IMMP2L: variants seen among roughly 807,000 people sequenced by gnomAD.
IMMP2L encodes mitochondrial inner membrane protease subunit 2.
Under a neutral mutation model 19.3 loss-of-function variants are expected in IMMP2L, and 18 were observed. The ratio of observed to expected loss-of-function variants is 0.93; its 90% CI spans 0.64 to 1.38. IMMP2L has a LOEUF of 1.38. Ranked by LOEUF, IMMP2L falls within the 40% of genes most tolerant of loss-of-function variation. The probability of loss-of-function intolerance (pLI) is 0.00; values close to 1 mark genes in which losing one functional copy is unlikely to be tolerated. For synonymous variants in IMMP2L, 76 were observed against 73.0 expected (o/e 1.04, Z -0.21); for missense variants, 233 against 218.2 (o/e 1.07, Z -0.43).
intron 5 of IMMP2L, among the ~76,000 whole-genome samples, chr7:110,820,827 C>A (rs1802957821): frequency 6.6e-6 from 1 of 152,054 alleles, no homozygotes; most frequent in African/African-American, 2.4e-5. Flanking sequence ...TCAGTGCCAT[C>A]TTTCTCTAGA....
intron 3 of IMMP2L, among the ~76,000 whole-genome samples, chr7:110,988,273 G>C (rs1297895674): frequency 1.3e-5 from 2 of 152,182 alleles, no homozygotes; most frequent in African/African-American, 2.4e-5. Flanking sequence ...GCAGGAGCTG[G>C]GTTGTCAATG....
intron 3 of IMMP2L, among the ~76,000 whole-genome samples, chr7:111,154,313 G>T (rs1804397626): frequency 1.3e-5 from 2 of 151,962 alleles, no homozygotes. Context: ...CTAAAGTCCT[G>T]CTAGAAACAT....
intron 3 of IMMP2L, among the ~76,000 whole-genome samples, chr7:111,445,860 T>C (rs1289182606): frequency 8.0e-5 from 12 of 150,856 alleles, no homozygotes; most frequent in East Asian, 1.9e-4. Context: ...GCACCGTGCG[T>C]GAGCCGAAGC....
At chr7:111,131,807 T>A (rs994475838) in intron 3 of IMMP2L, among the ~76,000 whole-genome samples, 1 of 151,864 alleles carries the variant, frequency 6.6e-6, no homozygotes, top group African/African-American at 2.4e-5. Context: ...CAAGAAAACA[T>A]ACGAACTATA....
intron 3 of IMMP2L, among the ~76,000 whole-genome samples, chr7:111,485,389 G>T (rs1412782703): frequency 1.3e-5 from 2 of 151,878 alleles, no homozygotes; most frequent in Non-Finnish European, 2.9e-5. Context: ...TATGAGGTCA[G>T]GAGATCAAGA....
intron 3 of IMMP2L, among the ~76,000 whole-genome samples, chr7:111,045,389 C>T (rs1181026630): frequency 6.6e-6 from 1 of 152,208 alleles, no homozygotes; most frequent in Non-Finnish European, 1.5e-5. Flanking sequence ...CCAAAAGCCT[C>T]TTATCTGGTC....
chr7:111,406,582 C>T (rs1833916586), intron 3 of IMMP2L, among the ~76,000 whole-genome samples: 1 of 152,062 alleles, frequency 6.6e-6, no homozygotes, highest in South Asian at 2.1e-4. Flanking sequence ...CTTTTACTGT[C>T]AAGCATGGTC....
chr7:110,936,340 A>C (rs1816110492), intron 4 of IMMP2L, among the ~76,000 whole-genome samples: 3 of 152,174 alleles, frequency 2.0e-5, no homozygotes, highest in Admixed American at 2.0e-4. Flanking sequence ...AAGAAATGTA[A>C]ACAAATTAAC....
chr7:111,473,311 G>A (rs974285423), intron 3 of IMMP2L, among the ~76,000 whole-genome samples: 7 of 152,060 alleles, frequency 4.6e-5, no homozygotes, highest in Non-Finnish European at 8.8e-5. Context: ...TGGAGTTAGT[G>A]TATTCATCTA....
intron 5 of IMMP2L, among the ~76,000 whole-genome samples, chr7:110,664,497 G>A (rs1791307703): frequency 6.6e-6 from 1 of 152,174 alleles, no homozygotes; most frequent in African/African-American, 2.4e-5. Context: ...GGATGGAAGA[G>A]GAGGTGAGGG....
chr7:110,784,812 A>G lies in IMMP2L; in HGVS notation c.408+101781T>C, dbSNP rs1226562311. On this transcript the variant is annotated intron_variant, in intron 5 of 5. Coordinates refer to ENST00000405709, the MANE Select transcript of IMMP2L (RefSeq NM_032549.4). ...TGGAGAGCAGATTTTTCAAAGCTCT[A>G]CTTAGAGCTCCCCTGTGCTACCAGG... 2.6e-5 allele frequency among the ~76,000 whole-genome samples: 4 copies of G among 151,818 alleles called. No individual in the cohort carries two copies. In the East Asian group the frequency reaches 7.8e-4, roughly 30 times the overall value.
At chr7:111,469,730 G>A (rs1218886388) in intron 3 of IMMP2L, among the ~76,000 whole-genome samples, 5 of 152,036 alleles carry the variant, frequency 3.3e-5, no homozygotes, top group Non-Finnish European at 7.4e-5. Context: ...AATTCAACAT[G>A]GATTAAAGAC....
At chr7:110,892,737 AAAATT>A (rs1810932147) in intron 4 of IMMP2L, among the ~76,000 whole-genome samples, 1 of 152,228 alleles carries the variant, frequency 6.6e-6, no homozygotes, top group African/African-American at 2.4e-5. Flanking sequence ...AAATAATAAT[AAAATT>A]AAATTGACAA....
intron 5 of IMMP2L, among the ~76,000 whole-genome samples, chr7:110,818,235 A>G (rs890958621): frequency 6.6e-6 from 1 of 152,192 alleles, no homozygotes; most frequent in Non-Finnish European, 1.5e-5. Flanking sequence ...GCTAATATCC[A>G]GAATCTACAA....
intron 1 of IMMP2L, among the ~76,000 whole-genome samples, chr7:111,544,221 G>A (rs1009561101): frequency 4.0e-5 from 6 of 151,792 alleles, no homozygotes; most frequent in African/African-American, 1.5e-4. Context: ...CACAGGATGG[G>A]GAACATCACA....
chr7:110,856,065 T>C (rs916175806), intron 5 of IMMP2L, among the ~76,000 whole-genome samples: 20 of 152,098 alleles, frequency 1.3e-4, no homozygotes, highest in African/African-American at 4.1e-4. Context: ...ATACTTCTTA[T>C]AATGTTTGAA....
chr7:111,557,386 T>C (rs1344727871), intron 1 of IMMP2L, among the ~76,000 whole-genome samples: 2 of 152,144 alleles, frequency 1.3e-5, no homozygotes, highest in African/African-American at 4.8e-5. Flanking sequence ...GGCTAACCAG[T>C]TTCATCTCCT....
At chr7:111,391,020 G>C (rs764661820) in intron 3 of IMMP2L, among the ~76,000 whole-genome samples, 4 of 152,060 alleles carry the variant, frequency 2.6e-5, no homozygotes, top group Non-Finnish European at 2.9e-5. Context: ...TTACAAATTT[G>C]AGAATTCTTA....
intron 5 of IMMP2L, among the ~76,000 whole-genome samples, chr7:110,754,026 C>G (rs1797893892): frequency 6.6e-6 from 1 of 151,952 alleles, no homozygotes; most frequent in Admixed American, 6.6e-5. Flanking sequence ...TTGAAACCAT[C>G]ATCACATTTA....
Sources: allele counts gnomAD v4.1 joint callset (sites outside exome capture counted in the v4.1 genomes callset), GRCh38; gene constraint gnomAD v4.1.1; transcripts MANE v1.5; gene names NCBI Gene and HGNC (gene_info 2026-07-23, HGNC 2026-07-21).